MBTPS1: variants seen among roughly 807,000 people sequenced by gnomAD.
MBTPS1 encodes the protein membrane bound transcription factor peptidase, site 1.
A neutral mutation model predicts 127.8 loss-of-function variants in MBTPS1; 94 were observed. The ratio of observed to expected loss-of-function variants is 0.74; its 90% CI spans 0.62 to 0.87. The LOEUF is 0.87. MBTPS1 is among the 40% of genes least tolerant of loss of function. The pLI is 0.00. For synonymous variants in MBTPS1, 632 were observed against 509.4 expected (o/e 1.24, Z -3.24); for missense variants, 1,636 against 1,353.2 (o/e 1.21, Z -3.28).
At chr16:84,093,641 T>C (rs1459854045) in intron 5 of MBTPS1, 70 bp downstream of exon 5, 2 of 1,066,500 alleles carry the variant, frequency 1.9e-6, no homozygotes, top group Non-Finnish European at 2.9e-6. Context: ...CTGGACAGAC[T>C]GTGGAATCAT....
At chr16:84,059,500 CCTT>C in intron 20 of MBTPS1, 72 bp from the exon 21 acceptor site, 1 of 1,430,044 alleles carries the variant, frequency 7.0e-7, no homozygotes, top group South Asian at 1.2e-5. Context: ...AAAAGGAGGG[CCTT>C]ATTATGAGTC....
chr16:84,104,794 C>T (rs1174845324), intron 1 of MBTPS1, among the ~76,000 whole-genome samples: 1 of 152,002 alleles, frequency 6.6e-6, no homozygotes, highest in African/African-American at 2.4e-5. Flanking sequence ...AGGCCAGGCG[C>T]GGTGGCTCAC....
At chr16:84,086,982 A>C (rs910488165) in intron 9 of MBTPS1, among the ~76,000 whole-genome samples, 14 of 152,006 alleles carry the variant, frequency 9.2e-5, no homozygotes, top group Middle Eastern at 3.2e-3. Context: ...CCCCTCCCCC[A>C]AAAAATATCA....
intron 10 of MBTPS1, among the ~76,000 whole-genome samples, chr16:84,083,943 T>C (rs933485459): frequency 6.6e-6 from 1 of 152,204 alleles, no homozygotes; most frequent in East Asian, 1.9e-4. Context: ...TCTGGTCTAC[T>C]CGCTTGGAGA....
intron 3 of MBTPS1, among the ~76,000 whole-genome samples, chr16:84,097,868 GTGTT>G (rs1555512944): frequency 4.0e-5 from 6 of 151,114 alleles, no homozygotes; most frequent in African/African-American, 1.5e-4. Context: ...GTGTGTGTGT[GTGTT>G]TGTGTGTGTG....
intron 1 of MBTPS1, among the ~76,000 whole-genome samples, chr16:84,107,942 G>T (rs1187582590): frequency 6.8e-6 from 1 of 147,204 alleles, no homozygotes; most frequent in Non-Finnish European, 1.5e-5. Flanking sequence ...CCAGGCTCAA[G>T]ATATCCTCCT....
intron 19 of MBTPS1, 109 bp downstream of exon 19, chr16:84,063,196 T>A (rs1269976273): frequency 3.4e-6 from 4 of 1,183,478 alleles, no homozygotes; most frequent in African/African-American, 1.5e-5. Flanking sequence ...CTGGCTCAAG[T>A]GAACAGATGT....
chr16:84,071,771 CAGTA>C (rs1448789200), intron 12 of MBTPS1: 1 of 152,084 alleles, frequency 6.6e-6, no homozygotes, highest in Non-Finnish European at 1.5e-5. Context: ...ATCCCCACCA[CAGTA>C]AGTAATATTA....
rs925744674 is a variant in MBTPS1 at position 84,112,700 on chromosome 16, C to A, written c.-325+4035G>T. 6.1e-5 allele frequency among the ~76,000 whole-genome samples: 9 copies of A among 147,332 alleles called. No homozygotes were observed. In the Admixed American group the frequency reaches 6.1e-4, roughly 10 times the overall value. On this transcript the variant is annotated intron_variant, in intron 1 of 22. Transcript: ENST00000343411. Reference sequence around the variant, plus strand: ...AAAAACAAAAAAAGAATACGCCGGGCTCGGTGGCTCACAGCTATAACCCCA... The same window carrying A: ...AAAAACAAAAAAAGAATACGCCGGGATCGGTGGCTCACAGCTATAACCCCA...
At position 84,099,177 on chromosome 16, in the gene MBTPS1, A is replaced by G. The variant is rs762159290; in HGVS notation, c.297T>C (p.Ser99=). ...CTTTTATCTGAATCACCTCAAAATC[A>G]CTAGGGTAGTCACTGGATGGATTGT... ...PRNNPSSDYP[S]DFEVIQIKEK... is the part of the protein sequence containing the mutation. The change falls in exon 3 of 23, where the codon AGT becomes AGC. Residue 99 remains serine (S), a synonymous_variant. Coordinates refer to ENST00000343411, the MANE Select transcript of MBTPS1 (RefSeq NM_003791.4). 3.7e-6 allele frequency: 6 copies of G among 1,614,054 alleles called. No homozygotes were observed. The highest frequency in any genetic ancestry group is 8.5e-7 in the Non-Finnish European group (1 of 1,180,052).
intron 6 of MBTPS1, among the ~76,000 whole-genome samples, chr16:84,092,530 A>G (rs16962799): frequency 0.032 from 4,950 of 152,328 alleles, 123 homozygotes; most frequent in African/African-American, 0.077. Flanking sequence ...AAGGAACATC[A>G]TCACACAGGA....
At chr16:84,079,055 C>A (rs963549468) in intron 11 of MBTPS1, among the ~76,000 whole-genome samples, 1 of 152,180 alleles carries the variant, frequency 6.6e-6, no homozygotes, top group African/African-American at 2.4e-5. Context: ...AGCACCATCC[C>A]TCTGGTGGTA....
At chr16:84,086,988 T>C (rs887033498) in intron 9 of MBTPS1, among the ~76,000 whole-genome samples, 1 of 152,040 alleles carries the variant, frequency 6.6e-6, no homozygotes, top group African/African-American at 2.4e-5. Flanking sequence ...CCCCAAAAAA[T>C]ATCATCTCAC....
intron 16 of MBTPS1, 63 bp downstream of exon 16, chr16:84,067,604 T>C (rs2151145741): frequency 2.3e-6 from 3 of 1,286,914 alleles, no homozygotes. Context: ...CACTTAAGTA[T>C]TTGCTGGGTA....
Position 84,091,748 on chromosome 16 carries a change from T to C in MBTPS1, c.947A>G (p.His316Arg), listed in dbSNP as rs1005065265. The C allele has an allele frequency of 6.2e-7, 1 of 1,613,454 alleles. No individual in the cohort carries two copies. The highest frequency in any genetic ancestry group is 8.5e-7 in the Non-Finnish European group (1 of 1,179,472). ...TCCACAAACCTTGTCAACAAACGGATGATCCATGAAGTCCGGGCCGCCGAT... is the reference window on the plus strand; with the variant it reads ...TCCACAAACCTTGTCAACAAACGGACGATCCATGAAGTCCGGGCCGCCGAT... Reference protein sequence around the residue: ...LSIGGPDFMDHPFVDKVWELT... With the variant: ...LSIGGPDFMDRPFVDKVWELT... The change falls in exon 7 of 23, where the codon CAT (histidine) becomes CGT (arginine). Residue 316 changes from histidine to arginine, a missense_variant. Physicochemically the swap from His to Arg is conservative, Grantham distance 29. Coordinates refer to ENST00000343411, the MANE Select transcript of MBTPS1 (RefSeq NM_003791.4).
chr16:84,089,121 G>A (rs1311728377), intron 8 of MBTPS1, among the ~76,000 whole-genome samples: 2 of 152,260 alleles, frequency 1.3e-5, no homozygotes, highest in Non-Finnish European at 2.9e-5. Flanking sequence ...CAGGAGGATG[G>A]GCAGAGGGAT....
At position 84,101,858 on chromosome 16, in the gene MBTPS1, T is replaced by G; in HGVS notation, c.-75A>C. On this transcript the variant is annotated 5_prime_UTR_variant, in exon 2 of 23. Coordinates refer to ENST00000343411, the MANE Select transcript of MBTPS1 (RefSeq NM_003791.4). ...TTTTCTTCTTGATTAAAAGTGAATT[T>G]TTGTTTCAGCTAAAAGCTGCAACAT... 1 of 1,433,484 alleles carries G rather than the reference T, an allele frequency of 7.0e-7. No individual in the cohort carries two copies. Among genetic ancestry groups the G allele is most frequent in the East Asian group, 2.3e-5 (1 of 43,540 alleles). The allele number at this position is 1,433,484 out of a possible 1,614,324, so 88.8% of individuals were successfully genotyped here. A position where few individuals can be genotyped will look rare whatever the true frequency, so the allele number is the denominator to read the frequency against.
intron 2 of MBTPS1, among the ~76,000 whole-genome samples, chr16:84,100,401 G>A (rs1291191459): frequency 2.0e-5 from 3 of 152,128 alleles, no homozygotes; most frequent in Non-Finnish European, 2.9e-5. Flanking sequence ...AAAATTAGCC[G>A]GGCATGGTGG....
At chr16:84,107,291 C>A (rs908130363) in intron 1 of MBTPS1, among the ~76,000 whole-genome samples, 5 of 152,184 alleles carry the variant, frequency 3.3e-5, no homozygotes, top group Admixed American at 6.5e-5. Flanking sequence ...CTGTACCTTA[C>A]CAAGCCTGTC....
Sources: allele counts gnomAD v4.1 joint callset (sites outside exome capture counted in the v4.1 genomes callset), GRCh38; gene constraint gnomAD v4.1.1; transcripts MANE v1.5; gene names NCBI Gene and HGNC (gene_info 2026-07-23, HGNC 2026-07-21).